Variants in MAD1L1 observed in about 807,000 individuals in gnomAD.
The protein encoded by MAD1L1 is mitotic spindle assembly checkpoint protein MAD1.
In MAD1L1, 95 loss-of-function variants were observed where a neutral mutation model predicts 96.9. The observed-to-expected ratio is 0.98, with a 90% CI of 0.83 to 1.16. MAD1L1 has a LOEUF of 1.16. Ranked by LOEUF, MAD1L1 falls within the 50% of genes most tolerant of loss-of-function variation. MAD1L1 has a pLI of 0.00. For synonymous variants in MAD1L1, 473 were observed against 396.6 expected, an observed-to-expected ratio of 1.19 and a Z score of -2.29; for missense variants, 1,007 against 954.4, an observed-to-expected ratio of 1.06 and a Z score of -0.73.
At chr7:2,197,890 A>T (rs915966213) in intron 10 of MAD1L1, among the ~76,000 whole-genome samples, 88 of 152,156 alleles carry the variant, frequency 5.8e-4, no homozygotes, top group African/African-American at 2.0e-3. Flanking sequence ...AACTGGTCCT[A>T]GCCCCCGGGT....
intron 11 of MAD1L1, among the ~76,000 whole-genome samples, chr7:2,084,076 A>G (rs1402547243): frequency 1.3e-5 from 2 of 152,210 alleles, no homozygotes; most frequent in Non-Finnish European, 2.9e-5. Context: ...CTATCAGTTA[A>G]CCAGCGGCTT....
At chr7:2,204,642 C>T (rs1180032503) in intron 10 of MAD1L1, among the ~76,000 whole-genome samples, 3 of 152,262 alleles carry the variant, frequency 2.0e-5, no homozygotes, top group South Asian at 2.1e-4. Context: ...GCCGCTGCCG[C>T]GCATTACACT....
intron 18 of MAD1L1, among the ~76,000 whole-genome samples, chr7:1,850,965 G>T (rs1783939663): frequency 6.6e-6 from 1 of 152,204 alleles, no homozygotes; most frequent in African/African-American, 2.4e-5. Context: ...AGAAGGGCCT[G>T]GCGTCGCGTC....
chr7:2,048,310 T>C (rs900445634), intron 12 of MAD1L1, among the ~76,000 whole-genome samples: 4 of 152,230 alleles, frequency 2.6e-5, no homozygotes, highest in African/African-American at 9.6e-5. Flanking sequence ...TCCTGCCTGT[T>C]CACCCAGGCA....
intron 10 of MAD1L1, among the ~76,000 whole-genome samples, chr7:2,207,247 T>G (rs1792646455): frequency 6.6e-6 from 1 of 152,138 alleles, no homozygotes; most frequent in Non-Finnish European, 1.5e-5. Flanking sequence ...GAAATATATA[T>G]TTGGTCTTTC....
At chr7:2,225,351 G>C in intron 4 of MAD1L1, 59 bp downstream of exon 4, 2 of 1,593,244 alleles carry the variant, frequency 1.3e-6, no homozygotes, top group East Asian at 2.2e-5. Context: ...CAGGTACCGT[G>C]CACAGCCCCC....
intron 18 of MAD1L1, among the ~76,000 whole-genome samples, chr7:1,825,885 C>G (rs1015466124): frequency 1.3e-5 from 2 of 151,828 alleles, no homozygotes; most frequent in African/African-American, 2.4e-5. Flanking sequence ...CTGGGATGAG[C>G]ACAGTCCCAG....
intron 10 of MAD1L1, among the ~76,000 whole-genome samples, chr7:2,207,818 G>A (rs183748216): frequency 7.9e-5 from 12 of 152,294 alleles, no homozygotes; most frequent in South Asian, 4.1e-4. Flanking sequence ...GAAGAAAACC[G>A]TAAAATGAAG....
chr7:1,957,246 C>T (rs1014734458), intron 16 of MAD1L1, among the ~76,000 whole-genome samples: 1 of 152,244 alleles, frequency 6.6e-6, no homozygotes, highest in Non-Finnish European at 1.5e-5. Flanking sequence ...CCGGTAACCT[C>T]GAACCTGAGG....
intron 18 of MAD1L1, among the ~76,000 whole-genome samples, chr7:1,856,919 C>T (rs1003346525): frequency 6.6e-6 from 1 of 152,108 alleles, no homozygotes; most frequent in Non-Finnish European, 1.5e-5. Flanking sequence ...GCCTTCAGAC[C>T]GAGCTGACCA....
At position 2,014,569 on chromosome 7, in the gene MAD1L1, A is replaced by G; in HGVS notation, c.1292T>C (p.Leu431Pro). The G allele has an allele frequency of 6.2e-7, 1 of 1,612,124 alleles. No individual in the cohort carries two copies. The highest frequency in any genetic ancestry group is 8.5e-7 in the Non-Finnish European group (1 of 1,179,792). ...ELTPAEYSPQ[L>P]TRRMREAEDM... ...CTCAGCCTCCCGCATGCGCCGCGTC[A>G]GCTGGGGTGAGTACTCGGCCGGGGT... is the stretch of plus-strand genomic sequence containing the variant. Residue 431 changes from leucine to proline, a missense_variant, in exon 13 of 19, where the codon CTG (leucine) becomes CCG (proline). By Grantham distance (98) the Leu-to-Pro change is moderately conservative (BLOSUM62 -3). Coordinates refer to ENST00000265854, the MANE Select transcript of MAD1L1 (RefSeq NM_001013836.2).
chr7:2,185,064 T>G (rs538564876), intron 10 of MAD1L1, among the ~76,000 whole-genome samples: 1 of 152,224 alleles, frequency 6.6e-6, no homozygotes, highest in South Asian at 2.1e-4. Context: ...AAAACAGGGC[T>G]GAACCTCAAA....
At chr7:2,228,345 G>A (rs981253444) in intron 3 of MAD1L1, among the ~76,000 whole-genome samples, 4 of 151,746 alleles carry the variant, frequency 2.6e-5, no homozygotes, top group African/African-American at 9.7e-5. Flanking sequence ...TGCAACCTCC[G>A]CCTCCCAGGT....
intron 10 of MAD1L1, among the ~76,000 whole-genome samples, chr7:2,188,163 T>A (rs1304049812): frequency 6.6e-6 from 1 of 152,360 alleles, no homozygotes; most frequent in South Asian, 2.1e-4. Context: ...AAGAGACCAA[T>A]GAATTTTAGT....
chr7:1,873,824 C>G (rs527583766), intron 18 of MAD1L1, among the ~76,000 whole-genome samples: 1 of 152,176 alleles, frequency 6.6e-6, no homozygotes. Context: ...CAGGGCTTAT[C>G]CTGCCTCCAG....
chr7:1,916,592 G>GCC (rs1788411631), intron 17 of MAD1L1, among the ~76,000 whole-genome samples: 1 of 152,224 alleles, frequency 6.6e-6, no homozygotes, highest in Non-Finnish European at 1.5e-5. Flanking sequence ...ACTCGACTTA[G>GCC]CCCCTCGGAC....
chr7:2,123,085 C>T (rs140466956), intron 11 of MAD1L1, among the ~76,000 whole-genome samples: 20 of 151,862 alleles, frequency 1.3e-4, no homozygotes, highest in African/African-American at 4.6e-4. Flanking sequence ...AGGTGGATCA[C>T]GAGGTCAGGA....
Position 1,898,337 on chromosome 7 carries a change from C to G in MAD1L1, c.1861G>C (p.Val621Leu), listed in dbSNP as rs1562502326. ...AELKNQRLKEVFQTKIQEFRK... is the reference protein window; with the variant it reads ...AELKNQRLKELFQTKIQEFRK... Reference sequence around the variant, plus strand: ...AACTCCTGGATCTTGGTCTGGAAAACCTCCTTGAGCCGCTGGTTCTTCAGC... The same window carrying G: ...AACTCCTGGATCTTGGTCTGGAAAAGCTCCTTGAGCCGCTGGTTCTTCAGC... The change falls in exon 18 of 19, where the codon GTT becomes CTT. Residue 621 changes from valine to leucine, a missense_variant. Physicochemically the swap from Val to Leu is conservative, Grantham distance 32. Coordinates refer to ENST00000265854, the MANE Select transcript of MAD1L1 (RefSeq NM_001013836.2). 6.2e-7 allele frequency: 1 copy of G among 1,614,066 alleles called. No individual in the cohort carries two copies.
At chr7:1,875,045 G>A (rs4719332) in intron 18 of MAD1L1, among the ~76,000 whole-genome samples, 45,208 of 151,878 alleles carry the variant, frequency 0.3, 8,055 homozygotes, top group African/African-American at 0.5. Context: ...GTACAATCAG[G>A]ACAAGCTCCC....
Sources: allele counts gnomAD v4.1 joint callset (sites outside exome capture counted in the v4.1 genomes callset), GRCh38; gene constraint gnomAD v4.1.1; transcripts MANE v1.5; gene names NCBI Gene and HGNC (gene_info 2026-07-23, HGNC 2026-07-21).